The following ADAMTSL1 variants were observed in gnomAD, a reference collection of about 807,000 sequenced individuals.
The protein encoded by ADAMTSL1 is ADAMTS-like protein 1.
Under a neutral mutation model 201.8 loss-of-function variants are expected in ADAMTSL1, and 126 were observed. The observed-to-expected ratio is 0.62, with a 90% CI of 0.54 to 0.72. The LOEUF is 0.72. ADAMTSL1 is among the 30% of genes least tolerant of loss of function. ADAMTSL1 has a pLI of 0.00. For synonymous variants in ADAMTSL1, 1,121 were observed against 903.4 expected (o/e 1.24, Z -4.32); for missense variants, 2,679 against 2,277.8 (o/e 1.18, Z -3.59).
At chr9:18,721,903 G>T (rs1833408805) in intron 15 of ADAMTSL1, among the ~76,000 whole-genome samples, 1 of 152,190 alleles carries the variant, frequency 6.6e-6, no homozygotes, top group Admixed American at 6.5e-5. Flanking sequence ...TGAGCCTGTG[G>T]CATGGCTGGT....
chr9:18,195,433 C>G (rs1379529432), intron 2 of ADAMTSL1, among the ~76,000 whole-genome samples: 2 of 152,064 alleles, frequency 1.3e-5, no homozygotes, highest in African/African-American at 4.8e-5. Context: ...GTAGTCTTAT[C>G]TTTCTTATGA....
chr9:18,597,341 C>T (rs1390919835), intron 4 of ADAMTSL1, among the ~76,000 whole-genome samples: 7 of 152,310 alleles, frequency 4.6e-5, no homozygotes, highest in African/African-American at 1.7e-4. Context: ...CTGCCATCTA[C>T]TCCTTATTTA....
chr9:18,280,957 C>A (rs1832765219), intron 2 of ADAMTSL1, among the ~76,000 whole-genome samples: 2 of 149,866 alleles, frequency 1.3e-5, no homozygotes, highest in African/African-American at 4.9e-5. Context: ...CTCACTGTAG[C>A]CTTGAACTCC....
chr9:18,721,532 A>G lies in ADAMTSL1; in HGVS notation c.1877-4A>G, dbSNP rs1383882181. Reference sequence around the variant, plus strand: ...TCTGGCCTGACCGTGTGATTTGTACACAGGTGTCCAGGAGGCTGTGGTGAG... The same window carrying G: ...TCTGGCCTGACCGTGTGATTTGTACGCAGGTGTCCAGGAGGCTGTGGTGAG... On this transcript the variant is annotated splice_region_variant and splice_polypyrimidine_tract_variant and intron_variant, in intron 14 of 28. Transcript: ENST00000380548. The G allele has an allele frequency of 2.5e-6, 4 of 1,613,644 alleles. No homozygotes were observed. In the African/African-American group the frequency reaches 5.3e-5, roughly 22 times the overall value.
intron 4 of ADAMTSL1, among the ~76,000 whole-genome samples, chr9:18,608,482 G>C (rs1449621921): frequency 6.6e-6 from 1 of 151,048 alleles, no homozygotes; most frequent in Non-Finnish European, 1.5e-5. Flanking sequence ...TAATCTTTCT[G>C]AATGGGAAAA....
chr9:17,915,507 A>G (rs1339897990), intron 1 of ADAMTSL1, among the ~76,000 whole-genome samples: 1 of 152,238 alleles, frequency 6.6e-6, no homozygotes, highest in Non-Finnish European at 1.5e-5. Flanking sequence ...GCTATTACAA[A>G]TAAAGCTGCT....
chr9:18,512,572 T>C (rs10810974), intron 2 of ADAMTSL1, among the ~76,000 whole-genome samples: 90,301 of 151,894 alleles, frequency 0.59, 26,999 homozygotes, highest in Admixed American at 0.62. Flanking sequence ...GTAGGTATAA[T>C]TAAGGATAGA....
intron 4 of ADAMTSL1, among the ~76,000 whole-genome samples, chr9:18,609,197 A>C (rs1448232428): frequency 6.6e-6 from 1 of 152,210 alleles, no homozygotes; most frequent in Non-Finnish European, 1.5e-5. Context: ...GTGGTTCCTG[A>C]ATTAACTCTG....
At chr9:18,613,355 T>C (rs963795626) in intron 4 of ADAMTSL1, among the ~76,000 whole-genome samples, 2 of 152,208 alleles carry the variant, frequency 1.3e-5, no homozygotes, top group Non-Finnish European at 2.9e-5. Context: ...AGTAATCCCA[T>C]TCCTGGGTAT....
intron 2 of ADAMTSL1, among the ~76,000 whole-genome samples, chr9:18,241,906 T>C (rs1164909684): frequency 6.6e-6 from 1 of 152,042 alleles, no homozygotes; most frequent in Non-Finnish European, 1.5e-5. Flanking sequence ...AAAAACCTCA[T>C]GCCTTCATAG....
intron 4 of ADAMTSL1, among the ~76,000 whole-genome samples, chr9:18,610,652 A>G (rs1825310625): frequency 6.6e-6 from 1 of 152,194 alleles, no homozygotes; most frequent in Non-Finnish European, 1.5e-5. Flanking sequence ...TTTGAGAGGT[A>G]ACCAGGTAAG....
At chr9:18,547,412 C>A (rs1405473798) in intron 3 of ADAMTSL1, among the ~76,000 whole-genome samples, 1 of 151,696 alleles carries the variant, frequency 6.6e-6, no homozygotes, top group Non-Finnish European at 1.5e-5. Flanking sequence ...AGTCCATGGA[C>A]CAAAAATGGA....
chr9:18,303,426 C>T (rs186904421), intron 2 of ADAMTSL1, among the ~76,000 whole-genome samples: 2 of 152,264 alleles, frequency 1.3e-5, no homozygotes, highest in East Asian at 3.9e-4. Context: ...TGGGATGCTT[C>T]ACAGGGAAAG....
intron 1 of ADAMTSL1, among the ~76,000 whole-genome samples, chr9:17,907,412 G>T (rs560840812): frequency 6.6e-6 from 1 of 152,164 alleles, no homozygotes; most frequent in Non-Finnish European, 1.5e-5. Flanking sequence ...CCCTAGGGCC[G>T]CCCGCAGCCG....
intron 1 of ADAMTSL1, among the ~76,000 whole-genome samples, chr9:17,939,980 G>A (rs1024699478): frequency 2.6e-5 from 4 of 152,088 alleles, no homozygotes; most frequent in African/African-American, 7.2e-5. Context: ...GAACCAGAGT[G>A]TTGGTAGAGA....
intron 2 of ADAMTSL1, among the ~76,000 whole-genome samples, chr9:18,262,053 G>A (rs950972231): frequency 2.0e-5 from 3 of 152,204 alleles, no homozygotes; most frequent in South Asian, 2.1e-4. Context: ...TGTATAAAAT[G>A]AGAATTTGAC....
At chr9:18,525,094 TATTA>T (rs1368796399) in intron 2 of ADAMTSL1, among the ~76,000 whole-genome samples, 2 of 152,104 alleles carry the variant, frequency 1.3e-5, no homozygotes, top group Admixed American at 6.5e-5. Context: ...GTTGGTAGGC[TATTA>T]ATTATTGCCT....
At chr9:18,099,374 A>T (rs1313676523) in intron 1 of ADAMTSL1, among the ~76,000 whole-genome samples, 1 of 72,350 alleles carries the variant, frequency 1.4e-5, no homozygotes, top group South Asian at 3.8e-4. Flanking sequence ...TTTTTTTTTA[A>T]CATCCATTAA....
intron 2 of ADAMTSL1, among the ~76,000 whole-genome samples, chr9:18,439,393 G>A (rs1404096651): frequency 2.0e-5 from 3 of 152,244 alleles, no homozygotes; most frequent in Non-Finnish European, 2.9e-5. Context: ...TTTGGACGGA[G>A]TCTGGCTCTG....
Sources: gnomAD v4.1 joint callset for allele counts (sites outside exome capture counted in the v4.1 genomes callset) on GRCh38, gnomAD v4.1.1 for gene constraint, MANE v1.5 for transcripts, NCBI Gene and HGNC (gene_info 2026-07-23, HGNC 2026-07-21) for gene names.